The following CNTNAP2 variants were observed in gnomAD, a reference collection of about 807,000 sequenced individuals.
CNTNAP2 encodes the protein contactin associated protein 2, also known as contactin-associated protein-like 2.
CNTNAP2 carries 98 observed loss-of-function variants against 155.2 expected under a neutral mutation model. The observed-to-expected ratio is 0.63, with a 90% CI of 0.54 to 0.75. The LOEUF (loss-of-function observed/expected upper bound fraction) is 0.75. Ranked by LOEUF, CNTNAP2 falls within the 30% of genes least tolerant of loss-of-function variation. CNTNAP2 has a pLI of 0.00. For missense variants in CNTNAP2, 1,727 were observed against 1,688.1 expected (o/e 1.02, Z -0.40); for synonymous variants, 651 against 631.2 (o/e 1.03, Z -0.47).
intron 9 of CNTNAP2, among the ~76,000 whole-genome samples, chr7:147,315,478 CTTTT>C (rs3050776): frequency 0.016 from 1,614 of 103,908 alleles, 23 homozygotes; most frequent in African/African-American, 0.054. Context: ...TTATTCTGGA[CTTTT>C]TTTTTTTTTT....
intron 5 of CNTNAP2, among the ~76,000 whole-genome samples, chr7:147,117,552 C>T (rs1489298908): frequency 4.6e-5 from 7 of 152,136 alleles, no homozygotes; most frequent in Non-Finnish European, 8.8e-5. Context: ...CCATTCCTCT[C>T]CTTGAGCACT....
intron 4 of CNTNAP2, chr7:147,082,859 GCATC>G (rs1239208060): frequency 6.6e-6 from 1 of 152,054 alleles, no homozygotes; most frequent in Non-Finnish European, 1.5e-5. Context: ...AGCCATTCCG[GCATC>G]ACTGCGTGTC....
At chr7:147,476,002 G>A (rs1798312967) in intron 10 of CNTNAP2, among the ~76,000 whole-genome samples, 1 of 151,216 alleles carries the variant, frequency 6.6e-6, no homozygotes, top group Non-Finnish European at 1.5e-5. Flanking sequence ...ATTTACTGTG[G>A]GTCTAGTAAA....
At chr7:147,657,974 T>C (rs920185609) in intron 13 of CNTNAP2, among the ~76,000 whole-genome samples, 6 of 148,692 alleles carry the variant, frequency 4.0e-5, no homozygotes, top group African/African-American at 1.5e-4. Context: ...ATAGCCGACC[T>C]GGCCGGGCGC....
intron 1 of CNTNAP2, among the ~76,000 whole-genome samples, chr7:146,544,750 C>CAAG (rs74325300): frequency 0.62 from 94,029 of 151,286 alleles, 30,051 homozygotes; most frequent in African/African-American, 0.72. Context: ...TTTCTTTTGC[C>CAAG]TGCTGAGCCG....
At chr7:146,415,199 G>C (rs1281608131) in intron 1 of CNTNAP2, among the ~76,000 whole-genome samples, 1 of 151,940 alleles carries the variant, frequency 6.6e-6, no homozygotes, top group Admixed American at 6.6e-5. Flanking sequence ...CTCTGCATCA[G>C]GGAGAAACAC....
chr7:147,575,511 C>CTGTG (rs377290787), intron 12 of CNTNAP2, among the ~76,000 whole-genome samples: 25,173 of 132,330 alleles, frequency 0.19, 2,718 homozygotes, highest in East Asian at 0.38. Flanking sequence ...GGGTATACAA[C>CTGTG]TGTGTGTGTG....
At position 146,451,113 on chromosome 7, in the gene CNTNAP2, A is replaced by AT. The variant is rs1235631142; in HGVS notation, c.98-323152dup. Reference sequence around the variant, plus strand: ...AGGCACCGACCACATCACCCAGCTAATTTTTTGTATTTTTAGTACAGACGG... The same window carrying AT: ...AGGCACCGACCACATCACCCAGCTAATTTTTTTGTATTTTTAGTACAGACGG... On this transcript the variant is annotated intron_variant, in intron 1 of 23. Coordinates refer to ENST00000361727, the MANE Select transcript of CNTNAP2 (RefSeq NM_014141.6). Among the ~76,000 whole-genome samples the AT allele has an allele frequency of 2.5e-4, 38 of 151,940 alleles. No individual in the cohort carries two copies. The East Asian group carries it at 6.4e-3, about 26-fold the overall frequency.
chr7:146,238,716 T>C (rs1799514232), intron 1 of CNTNAP2, among the ~76,000 whole-genome samples: 2 of 152,154 alleles, frequency 1.3e-5, no homozygotes, highest in Non-Finnish European at 2.9e-5. Context: ...GGGTAATTCA[T>C]ACAGGAAAGA....
intron 1 of CNTNAP2, among the ~76,000 whole-genome samples, chr7:146,262,680 T>G (rs1289593985): frequency 1.3e-5 from 2 of 152,220 alleles, no homozygotes; most frequent in East Asian, 1.9e-4. Context: ...TCATATTTAA[T>G]CAAAGTTTAG....
At chr7:147,095,299 G>C (rs1298488519) in intron 4 of CNTNAP2, among the ~76,000 whole-genome samples, 9 of 149,742 alleles carry the variant, frequency 6.0e-5, no homozygotes, top group Non-Finnish European at 1.0e-4. Flanking sequence ...GCCTCCCAAA[G>C]TGCTGGGATT....
intron 3 of CNTNAP2, among the ~76,000 whole-genome samples, chr7:147,032,508 T>A (rs1027427139): frequency 6.6e-6 from 1 of 152,194 alleles, no homozygotes; most frequent in Non-Finnish European, 1.5e-5. Context: ...CAGATGTTGA[T>A]GACAAAAACC....
chr7:148,187,981 G>A (rs902713215), intron 18 of CNTNAP2, among the ~76,000 whole-genome samples: 1 of 151,370 alleles, frequency 6.6e-6, no homozygotes, highest in Non-Finnish European at 1.5e-5. Context: ...CACCATCCCC[G>A]CATACATGCG....
At chr7:146,607,497 G>A (rs574053371) in intron 1 of CNTNAP2, among the ~76,000 whole-genome samples, 1 of 151,976 alleles carries the variant, frequency 6.6e-6, no homozygotes, top group Non-Finnish European at 1.5e-5. Flanking sequence ...TATTTTTTGA[G>A]ACAGGGTCTT....
chr7:146,364,424 A>G (rs2129101474), intron 1 of CNTNAP2, among the ~76,000 whole-genome samples: 1 of 152,334 alleles, frequency 6.6e-6, no homozygotes, highest in African/African-American at 2.4e-5. Context: ...CTACTCTAGT[A>G]TTCTTTTCAC....
chr7:146,466,737 A>T (rs545620378), intron 1 of CNTNAP2, among the ~76,000 whole-genome samples: 8 of 152,318 alleles, frequency 5.3e-5, no homozygotes, highest in African/African-American at 1.7e-4. Flanking sequence ...TTAGTCATTG[A>T]AAAGCCTGAT....
intron 13 of CNTNAP2, among the ~76,000 whole-genome samples, chr7:147,813,016 G>C (rs2116609616): frequency 6.6e-6 from 1 of 152,040 alleles, no homozygotes; most frequent in South Asian, 2.1e-4. Context: ...ATGGAGCAAG[G>C]AGAATTTAAT....
chr7:147,932,635 T>C (rs775477579), intron 14 of CNTNAP2, among the ~76,000 whole-genome samples: 6 of 152,164 alleles, frequency 3.9e-5, no homozygotes, highest in Non-Finnish European at 7.4e-5. Context: ...AAAATCTTCA[T>C]GACATTGGTC....
chr7:146,753,443 A>G (rs778156401), intron 1 of CNTNAP2, among the ~76,000 whole-genome samples: 26 of 152,128 alleles, frequency 1.7e-4, no homozygotes, highest in Non-Finnish European at 2.2e-4. Flanking sequence ...TTTATGTTGC[A>G]TTATAGAATT....
Sources: gnomAD v4.1 joint callset for allele counts (sites outside exome capture counted in the v4.1 genomes callset) on GRCh38, gnomAD v4.1.1 for gene constraint, MANE v1.5 for transcripts, NCBI Gene and HGNC (gene_info 2026-07-23, HGNC 2026-07-21) for gene names.